The following KAZN variants were observed in gnomAD, a reference collection of about 807,000 sequenced individuals.
KAZN encodes the protein kazrin.
Under a neutral mutation model 87.4 loss-of-function variants are expected in KAZN, and 40 were observed. The ratio of observed to expected loss-of-function variants is 0.46; its 90% confidence interval spans 0.36 to 0.60. The LOEUF (loss-of-function observed/expected upper bound fraction) is 0.60, where lower values mean the gene tolerates loss of function less well. KAZN is among the 20% of genes least tolerant of loss of function. KAZN has a pLI of 0.00. For synonymous variants in KAZN, 466 were observed against 458.3 expected (o/e 1.02, Z -0.22); for missense variants, 898 against 1,073.9 (o/e 0.84, Z 2.29).
intron 1 of KAZN, among the ~76,000 whole-genome samples, chr1:14,003,537 AAGAC>A (rs1294493030): frequency 2.0e-5 from 3 of 152,122 alleles, no homozygotes; most frequent in Non-Finnish European, 2.9e-5. Flanking sequence ...CGGATGGACA[AAGAC>A]AGACCATAAA....
At chr1:14,570,377 C>A (rs1232222647) in intron 2 of KAZN, among the ~76,000 whole-genome samples, 1 of 152,116 alleles carries the variant, frequency 6.6e-6, no homozygotes, top group Non-Finnish European at 1.5e-5. Flanking sequence ...AACCTTGTAC[C>A]TTTTTACCCT....
chr1:15,032,103 G>A (rs544853820), intron 2 of KAZN, among the ~76,000 whole-genome samples: 28 of 139,898 alleles, frequency 2.0e-4, no homozygotes, highest in African/African-American at 5.5e-4. Flanking sequence ...CTCCCTCCCC[G>A]ATCCACCCCC....
At chr1:14,008,988 C>T (rs929873138) in intron 1 of KAZN, among the ~76,000 whole-genome samples, 2 of 152,278 alleles carry the variant, frequency 1.3e-5, no homozygotes, top group South Asian at 2.1e-4. Context: ...CAGCCCCTGG[C>T]GACTACCGTT....
chr1:15,052,438 ACCTCCCACTAGGTC>A (rs1674507481), intron 4 of KAZN, among the ~76,000 whole-genome samples: 1 of 151,972 alleles, frequency 6.6e-6, no homozygotes, highest in Admixed American at 6.6e-5. Context: ...TGATTCAATT[ACCTCCCACTAGGTC>A]CCTCCCATGA....
Position 14,574,035 on chromosome 1 carries a change from C to G in KAZN, c.250-24948C>G, listed in dbSNP as rs80069453. Among the ~76,000 whole-genome samples the G allele has an allele frequency of 1.0e-2, 1,517 of 152,200 alleles. 10 individuals are homozygous for G. The highest frequency in any genetic ancestry group is 0.015 in the Non-Finnish European group (1,027 of 68,026). ...CTCTTATTCCAAGCAGCAGTGATTTCATGACATAACGTTTCCAATGAATAA... is the reference window on the plus strand; with the variant it reads ...CTCTTATTCCAAGCAGCAGTGATTTGATGACATAACGTTTCCAATGAATAA... On this transcript the variant is annotated intron_variant, in intron 2 of 16. Coordinates refer to the KAZN transcript ENST00000636203.
intron 1 of KAZN, among the ~76,000 whole-genome samples, chr1:14,064,296 C>G (rs566016180): frequency 2.6e-5 from 4 of 152,110 alleles, no homozygotes; most frequent in Non-Finnish European, 4.4e-5. Context: ...AAATTGACAG[C>G]GACATCAAGG....
chr1:14,577,093 A>G (rs1471238076), intron 2 of KAZN, among the ~76,000 whole-genome samples: 1 of 152,228 alleles, frequency 6.6e-6, no homozygotes, highest in East Asian at 1.9e-4. Flanking sequence ...AATGGATGAG[A>G]ACACTTTTGC....
At chr1:14,267,267 G>A (rs1016942343) in intron 2 of KAZN, among the ~76,000 whole-genome samples, 4 of 151,030 alleles carry the variant, frequency 2.6e-5, no homozygotes, top group Non-Finnish European at 4.4e-5. Flanking sequence ...TGATTTAAAG[G>A]AGGGGTGTCC....
chr1:13,955,053 G>A (rs75884390), intron 1 of KAZN, among the ~76,000 whole-genome samples: 2,271 of 152,284 alleles, frequency 0.015, 52 homozygotes, highest in African/African-American at 0.051. Flanking sequence ...ATGTAAAAAT[G>A]TTGAAAGGTC....
intron 1 of KAZN, among the ~76,000 whole-genome samples, chr1:13,911,980 C>T (rs191348649): frequency 3.3e-5 from 5 of 152,102 alleles, no homozygotes; most frequent in African/African-American, 1.2e-4. Flanking sequence ...TTTCTTTTTC[C>T]CCATTACTAT....
intron 1 of KAZN, among the ~76,000 whole-genome samples, chr1:14,633,629 G>A (rs1236002624): frequency 6.6e-6 from 1 of 152,106 alleles, no homozygotes; most frequent in Non-Finnish European, 1.5e-5. Flanking sequence ...AGTTTGTGGT[G>A]ATTTGTTGCA....
At chr1:14,284,641 T>C (rs1044302653) in intron 2 of KAZN, among the ~76,000 whole-genome samples, 1 of 151,974 alleles carries the variant, frequency 6.6e-6, no homozygotes, top group African/African-American at 2.4e-5. Context: ...TTATGAAAAA[T>C]TGGGCTTCAC....
intron 1 of KAZN, among the ~76,000 whole-genome samples, chr1:14,669,573 A>C (rs1303494826): frequency 6.6e-6 from 1 of 152,142 alleles, no homozygotes; most frequent in African/African-American, 2.4e-5. Flanking sequence ...TCAAGACCCC[A>C]TCTCTACACA....
At chr1:14,280,544 C>T (rs974153724) in intron 2 of KAZN, among the ~76,000 whole-genome samples, 1 of 151,924 alleles carries the variant, frequency 6.6e-6, no homozygotes, top group African/African-American at 2.4e-5. Flanking sequence ...CCAAGGAGCA[C>T]CAAAGATTGC....
intron 2 of KAZN, among the ~76,000 whole-genome samples, chr1:14,515,279 A>G (rs560518674): frequency 1.7e-4 from 26 of 152,328 alleles, no homozygotes; most frequent in Non-Finnish European, 3.4e-4. Flanking sequence ...AGGACCGTGA[A>G]TTTAAGCAAC....
At chr1:14,984,461 C>G (rs977266464) in intron 2 of KAZN, among the ~76,000 whole-genome samples, 6 of 152,082 alleles carry the variant, frequency 3.9e-5, no homozygotes, top group Admixed American at 3.3e-4. Context: ...GGGAAAAGGG[C>G]CTTCTCATAT....
intron 2 of KAZN, among the ~76,000 whole-genome samples, chr1:14,260,637 A>G (rs901402210): frequency 1.3e-5 from 2 of 152,212 alleles, no homozygotes; most frequent in African/African-American, 4.8e-5. Flanking sequence ...AATGCCACAA[A>G]GTCGTGAGTA....
intron 1 of KAZN, among the ~76,000 whole-genome samples, chr1:14,047,739 A>G (rs1192429545): frequency 6.6e-6 from 1 of 152,040 alleles, no homozygotes; most frequent in East Asian, 1.9e-4. Context: ...GTGGTGGCAC[A>G]CACCTGTAAT....
At chr1:14,713,268 A>G (rs538000403) in intron 1 of KAZN, among the ~76,000 whole-genome samples, 1 of 152,288 alleles carries the variant, frequency 6.6e-6, no homozygotes, top group South Asian at 2.1e-4. Context: ...TGCTTGTTCC[A>G]TGGGTGCTAG....
Sources: gnomAD v4.1 joint callset for allele counts (sites outside exome capture counted in the v4.1 genomes callset) on GRCh38, gnomAD v4.1.1 for gene constraint, MANE v1.5 for transcripts, NCBI Gene and HGNC (gene_info 2026-07-23, HGNC 2026-07-21) for gene names.